The following FGFR1OP2 variants were observed in gnomAD, a reference collection of about 807,000 sequenced individuals.
FGFR1OP2 encodes the protein fibroblast growth factor receptor 1 oncogene partner 2.
Under a neutral mutation model 35.2 loss-of-function variants are expected in FGFR1OP2, and 17 were observed. That is an observed-to-expected ratio of 0.48 (90% CI 0.33 to 0.73). The LOEUF (loss-of-function observed/expected upper bound fraction) is 0.73, where lower values mean the gene tolerates loss of function less well. Ranked by LOEUF, FGFR1OP2 falls within the 30% of genes least tolerant of loss-of-function variation. The probability of loss-of-function intolerance (pLI) is 0.02; values close to 1 mark genes in which losing one functional copy is unlikely to be tolerated. For missense variants in FGFR1OP2, 251 were observed against 307.3 expected, an observed-to-expected ratio of 0.82 and a Z score of 1.37; for synonymous variants, 105 against 104.6, an observed-to-expected ratio of 1.00 and a Z score of -0.03.
chr12:26,963,910 C>A (rs756584245), intron 6 of FGFR1OP2, among the ~76,000 whole-genome samples: 2 of 152,088 alleles, frequency 1.3e-5, no homozygotes, highest in Non-Finnish European at 2.9e-5. Flanking sequence ...GTACAATAGA[C>A]TTTTATGCCT....
Position 26,957,662 on chromosome 12 carries a change from A to G in FGFR1OP2, c.315A>G (p.Arg105=), listed in dbSNP as rs1425032241. 2 of 1,613,710 alleles carry G rather than the reference A, an allele frequency of 1.2e-6. No individual in the cohort carries two copies. The highest frequency in any genetic ancestry group is 2.2e-5 in the East Asian group (1 of 44,814). Residue 105 remains arginine (R), a synonymous_variant, in exon 4 of 7, where the codon CGA becomes CGG. Coordinates refer to ENST00000229395, the MANE Select transcript of FGFR1OP2 (RefSeq NM_015633.3). Reference sequence around the variant, plus strand: ...TGGAACTTATAATGAGCAAGTACCGAGAACAAATGTTTAGATTGCTAATGG... The same window carrying G: ...TGGAACTTATAATGAGCAAGTACCGGGAACAAATGTTTAGATTGCTAATGG... ...SALELIMSKY[R]EQMFRLLMAS...
chr12:26,950,029 C>G (rs879647788), intron 1 of FGFR1OP2, among the ~76,000 whole-genome samples: 23 of 151,886 alleles, frequency 1.5e-4, no homozygotes, highest in Non-Finnish European at 2.6e-4. Context: ...CTTTTAACTT[C>G]TTCATGGGTT....
chr12:26,945,083 C>A (rs1227113862), intron 1 of FGFR1OP2, among the ~76,000 whole-genome samples: 3 of 152,046 alleles, frequency 2.0e-5, no homozygotes, highest in Non-Finnish European at 4.4e-5. Flanking sequence ...CCCTTCTTTC[C>A]ATTAGTAATT....
intron 1 of FGFR1OP2, among the ~76,000 whole-genome samples, chr12:26,950,991 G>C (rs1191444716): frequency 8.5e-5 from 13 of 152,084 alleles, no homozygotes; most frequent in Non-Finnish European, 8.8e-5. Flanking sequence ...TAGAAATTTT[G>C]GATGGTTTCC....
At position 26,954,174 on chromosome 12, in the gene FGFR1OP2, G is replaced by A. The variant is rs746155998; in HGVS notation, c.16G>A (p.Glu6Lys). MSCTIEKALADAKALV... is the reference protein window; with the variant it reads MSCTIKKALADAKALV... Reference sequence around the variant, plus strand: ...ATCTTTAGAAATGAGTTGCACAATTGAGAAGGCACTTGCCGACGCTAAAGC... The same window carrying A: ...ATCTTTAGAAATGAGTTGCACAATTAAGAAGGCACTTGCCGACGCTAAAGC... Residue 6 changes from glutamate to lysine, a missense_variant, in exon 2 of 7, where the codon GAG (glutamate) becomes AAG (lysine). By Grantham distance (56) the Glu-to-Lys change is moderately conservative. Transcript: ENST00000229395. 1 of 1,603,392 alleles carries A rather than the reference G, an allele frequency of 6.2e-7. No individual in the cohort carries two copies. The highest frequency in any genetic ancestry group is 8.5e-7 in the Non-Finnish European group (1 of 1,175,778).
intron 2 of FGFR1OP2, among the ~76,000 whole-genome samples, chr12:26,955,061 T>A (rs139056164): frequency 0.018 from 2,746 of 152,328 alleles, 35 homozygotes; most frequent in Non-Finnish European, 0.028. Flanking sequence ...TTTAGTTATT[T>A]GGTTTTACAA....
chr12:26,941,956 G>A (rs1938741566), intron 1 of FGFR1OP2, among the ~76,000 whole-genome samples: 1 of 152,196 alleles, frequency 6.6e-6, no homozygotes, highest in African/African-American at 2.4e-5. Flanking sequence ...TAGGACACTA[G>A]ACTGGGGATC....
At chr12:26,962,044 AT>A (rs1332742835) in intron 5 of FGFR1OP2, 1 of 152,250 alleles carries the variant, frequency 6.6e-6, no homozygotes, top group African/African-American at 2.4e-5. Flanking sequence ...AATGTTTTTT[AT>A]CTGTGCTGTC....
Position 26,963,433 on chromosome 12 carries a change from A to G in FGFR1OP2, c.602A>G (p.Gln201Arg), listed in dbSNP as rs1939132279. The G allele has an allele frequency of 6.2e-7, 1 of 1,604,106 alleles. No individual in the cohort carries two copies. The highest frequency in any genetic ancestry group is 2.2e-5 in the East Asian group (1 of 44,540). The change falls in exon 6 of 7, where the codon CAA (glutamine) becomes CGA (arginine). Residue 201 changes from glutamine to arginine, a missense_variant. Coordinates refer to ENST00000229395, the MANE Select transcript of FGFR1OP2 (RefSeq NM_015633.3). The part of the protein sequence containing the change: ...EIDEQQGCKE[Q>R]ERIFQLEQEN... ...GACGAGCAACAGGGTTGCAAGGAAC[A>G]AGAACGAATATTTCAACTTGAAGTA... is the stretch of plus-strand genomic sequence containing the variant.
At chr12:26,955,395 C>T (rs1341758193) in intron 2 of FGFR1OP2, among the ~76,000 whole-genome samples, 1 of 152,186 alleles carries the variant, frequency 6.6e-6, no homozygotes, top group Non-Finnish European at 1.5e-5. Flanking sequence ...TTTTAGTACA[C>T]ATTTGCAGGT....
chr12:26,963,289 C>T, intron 5 of FGFR1OP2, 53 bp from the exon 6 acceptor site: 1 of 1,190,040 alleles, frequency 8.4e-7, no homozygotes, highest in Non-Finnish European at 1.2e-6. Flanking sequence ...AGGAGAGGAT[C>T]CAAAAATAAA....
intron 2 of FGFR1OP2, 137 bp downstream of exon 2, chr12:26,954,430 T>G: frequency 3.7e-6 from 4 of 1,069,164 alleles, no homozygotes; most frequent in Non-Finnish European, 5.2e-6. Flanking sequence ...GTTTCAGGTT[T>G]ACTTTAATTT....
At position 26,963,465 on chromosome 12, in the gene FGFR1OP2, A is replaced by G; in HGVS notation, c.624+10A>G. On this transcript the variant is annotated intron_variant, in intron 6 of 6. Coordinates refer to ENST00000229395, the MANE Select transcript of FGFR1OP2 (RefSeq NM_015633.3). ...AATATTTCAACTTGAAGTAAGTTTT[A>G]CATTGCAAATGTAGATGAAAACTGT... 1 of 1,558,776 alleles carries G rather than the reference A, an allele frequency of 6.4e-7. No individual in the cohort carries two copies. Among genetic ancestry groups the G allele is most frequent in the Non-Finnish European group, 8.8e-7 (1 of 1,137,006 alleles).
intron 1 of FGFR1OP2, among the ~76,000 whole-genome samples, chr12:26,944,657 T>A (rs1592246564): frequency 6.6e-6 from 1 of 152,334 alleles, no homozygotes; most frequent in Non-Finnish European, 1.5e-5. Context: ...TAATGAAGGA[T>A]ATTAGTCTGT....
Position 26,949,301 on chromosome 12 carries a change from A to C in FGFR1OP2, c.-14-4844A>C, listed in dbSNP as rs140003481. ...CAGGCTTGCACCACCACGCCCTGCT[A>C]ATTTTTTTGTATTTAGTAGAGATGG... On this transcript the variant is annotated intron_variant, in intron 1 of 6. Coordinates refer to ENST00000229395, the MANE Select transcript of FGFR1OP2 (RefSeq NM_015633.3). 3.9e-5 allele frequency among the ~76,000 whole-genome samples: 6 copies of C among 151,906 alleles called. 1 individual carries two copies. The highest frequency in any genetic ancestry group is 1.4e-4 in the African/African-American group (6 of 41,426).
chr12:26,957,633 G>A lies in FGFR1OP2; in HGVS notation c.286G>A (p.Ala96Thr). ...LRTSLEEHQS[A>T]LELIMSKYRE... The stretch of plus-strand genomic sequence containing the variant: ...TACATCTCTGGAAGAACATCAGTCG[G>A]CCTTGGAACTTATAATGAGCAAGTA... Residue 96 changes from alanine (A) to threonine (T), a missense_variant, in exon 4 of 7, where the codon GCC (alanine) becomes ACC (threonine). Transcript: ENST00000229395. 2 of 1,613,070 alleles carry A rather than the reference G, an allele frequency of 1.2e-6. No homozygotes were observed. Among genetic ancestry groups the A allele is most frequent in the South Asian group, 1.1e-5 (1 of 90,944 alleles).
intron 1 of FGFR1OP2, among the ~76,000 whole-genome samples, chr12:26,946,334 C>A (rs1938821363): frequency 6.6e-6 from 1 of 152,092 alleles, no homozygotes; most frequent in Admixed American, 6.6e-5. Flanking sequence ...TTTTTTGAGG[C>A]AAGTCTCACT....
chr12:26,953,029 A>G (rs1031022234), intron 1 of FGFR1OP2, among the ~76,000 whole-genome samples: 6 of 152,044 alleles, frequency 3.9e-5, no homozygotes, highest in Non-Finnish European at 8.8e-5. Flanking sequence ...TTGGGAGGCC[A>G]AGGCGGGCGG....
At chr12:26,945,483 TTGTTTAACTTCCAGA>T in intron 1 of FGFR1OP2, among the ~76,000 whole-genome samples, 1 of 152,358 alleles carries the variant, frequency 6.6e-6, no homozygotes, top group East Asian at 1.9e-4. Flanking sequence ...TAGAAGTACA[TTGTTTAACTTCCAGA>T]TGTTTGGAGA....
Sources: gnomAD v4.1 joint callset for allele counts (sites outside exome capture counted in the v4.1 genomes callset) on GRCh38, gnomAD v4.1.1 for gene constraint, MANE v1.5 for transcripts, NCBI Gene and HGNC (gene_info 2026-07-23, HGNC 2026-07-21) for gene names.